CTNNA2: variants seen among roughly 807,000 people sequenced by gnomAD.
The protein encoded by CTNNA2 is catenin alpha-2.
Under a neutral mutation model 101.0 loss-of-function variants are expected in CTNNA2, and 42 were observed. That is an observed-to-expected ratio of 0.42 (90% CI 0.32 to 0.54). CTNNA2 has a LOEUF of 0.54. Among genes scored for constraint, CTNNA2 ranks in the 20% least tolerant of loss-of-function variants. The probability of loss-of-function intolerance (pLI) is 0.14; values close to 1 mark genes in which losing one functional copy is unlikely to be tolerated. For synonymous variants in CTNNA2, 450 were observed against 456.4 expected (o/e 0.99, Z 0.18); for missense variants, 871 against 1,223.1 (o/e 0.71, Z 4.29).
chr2:79,217,394 A>C (rs1052040071), intron 2 of CTNNA2, among the ~76,000 whole-genome samples: 3 of 152,100 alleles, frequency 2.0e-5, no homozygotes, highest in Non-Finnish European at 4.4e-5. Context: ...AGGGGGGCTG[A>C]GTCTGAAAAG....
At chr2:79,244,010 C>A (rs944813949) in intron 2 of CTNNA2, among the ~76,000 whole-genome samples, 1 of 152,090 alleles carries the variant, frequency 6.6e-6, no homozygotes, top group African/African-American at 2.4e-5. Flanking sequence ...GTGATGTTAA[C>A]CCTGGCACCC....
intron 3 of CTNNA2, among the ~76,000 whole-genome samples, chr2:79,349,783 T>C (rs965689577): frequency 2.0e-5 from 3 of 152,134 alleles, no homozygotes; most frequent in African/African-American, 7.2e-5. Context: ...TGAGAAACCA[T>C]TATATTAGAA....
At chr2:80,502,595 T>C (rs1687962856) in intron 9 of CTNNA2, among the ~76,000 whole-genome samples, 1 of 152,240 alleles carries the variant, frequency 6.6e-6, no homozygotes, top group Admixed American at 6.5e-5. Context: ...AAAGCTGGTT[T>C]TACTTTCTCT....
At chr2:79,487,032 G>A (rs192696744) in intron 4 of CTNNA2, among the ~76,000 whole-genome samples, 1 of 152,104 alleles carries the variant, frequency 6.6e-6, no homozygotes, top group East Asian at 1.9e-4. Flanking sequence ...ATCTAGATAA[G>A]AGGAAAACAT....
At chr2:79,270,771 G>A (rs756219670) in intron 2 of CTNNA2, among the ~76,000 whole-genome samples, 6 of 151,856 alleles carry the variant, frequency 4.0e-5, no homozygotes, top group Admixed American at 6.6e-5. Flanking sequence ...TAGCTCCAGG[G>A]CAGCAGAGTG....
intron 7 of CTNNA2, among the ~76,000 whole-genome samples, chr2:80,078,261 T>A (rs1435042642): frequency 6.6e-6 from 1 of 152,184 alleles, no homozygotes; most frequent in Admixed American, 6.5e-5. Flanking sequence ...AACCATTTTC[T>A]GTTGAAAACG....
chr2:79,471,716 T>G (rs1484640155), intron 4 of CTNNA2, among the ~76,000 whole-genome samples: 1 of 152,002 alleles, frequency 6.6e-6, no homozygotes, highest in Non-Finnish European at 1.5e-5. Flanking sequence ...TGGGTGCCTG[T>G]AGTCCCAGCT....
intron 1 of CTNNA2, among the ~76,000 whole-genome samples, chr2:79,187,235 T>TTTTTC (rs772642908): frequency 0.013 from 1,598 of 123,284 alleles, 100 homozygotes; most frequent in East Asian, 0.059. Flanking sequence ...AAGACACTTC[T>TTTTTC]TTTTCTTTTC....
At chr2:79,397,811 C>A (rs1678248959) in intron 4 of CTNNA2, among the ~76,000 whole-genome samples, 1 of 152,024 alleles carries the variant, frequency 6.6e-6, no homozygotes, top group Non-Finnish European at 1.5e-5. Context: ...ACAAGTGCCA[C>A]CAAGTCTGTT....
chr2:79,338,275 G>A (rs1573093774), intron 3 of CTNNA2, among the ~76,000 whole-genome samples: 1 of 146,848 alleles, frequency 6.8e-6, no homozygotes, highest in Non-Finnish European at 1.5e-5. Context: ...TCAGGCAACT[G>A]GGTTACAAGA....
At chr2:80,261,327 G>C (rs964272722) in intron 7 of CTNNA2, among the ~76,000 whole-genome samples, 6 of 151,978 alleles carry the variant, frequency 3.9e-5, no homozygotes, top group Non-Finnish European at 8.8e-5. Context: ...GAATGGCTTG[G>C]TTACAGAACC....
chr2:80,567,564 G>A (rs574215172), intron 12 of CTNNA2, among the ~76,000 whole-genome samples: 1 of 152,228 alleles, frequency 6.6e-6, no homozygotes, highest in East Asian at 1.9e-4. Context: ...GGGGCCTCCT[G>A]AATAATCCCT....
chr2:80,416,379 T>G (rs191481546), intron 8 of CTNNA2, among the ~76,000 whole-genome samples: 34 of 152,292 alleles, frequency 2.2e-4, no homozygotes, highest in African/African-American at 7.9e-4. Flanking sequence ...TCAAGAAAGC[T>G]GAATCAAATC....
At chr2:79,472,915 T>C (rs1276380413) in intron 4 of CTNNA2, among the ~76,000 whole-genome samples, 1 of 152,254 alleles carries the variant, frequency 6.6e-6, no homozygotes, top group African/African-American at 2.4e-5. Flanking sequence ...TACATTTTTA[T>C]TGCTTTCAAG....
At chr2:79,535,498 C>G (rs1673002072) in intron 1 of CTNNA2, among the ~76,000 whole-genome samples, 1 of 151,952 alleles carries the variant, frequency 6.6e-6, no homozygotes, top group African/African-American at 2.4e-5. Context: ...GCCACTGCAC[C>G]CGGCCCATAT....
At chr2:79,639,939 T>G (rs1480690077) in intron 1 of CTNNA2, among the ~76,000 whole-genome samples, 4 of 138,408 alleles carry the variant, frequency 2.9e-5, no homozygotes, top group African/African-American at 1.4e-4. Flanking sequence ...TAATTGTGTG[T>G]GTGTGTGTGT....
At chr2:79,462,356 G>C (rs1284205779) in intron 4 of CTNNA2, among the ~76,000 whole-genome samples, 1 of 152,220 alleles carries the variant, frequency 6.6e-6, no homozygotes, top group South Asian at 2.1e-4. Flanking sequence ...CAAAGAAAGA[G>C]TGTTCTAGGC....
intron 7 of CTNNA2, among the ~76,000 whole-genome samples, chr2:80,089,790 A>G (rs1482330257): frequency 6.6e-6 from 1 of 151,960 alleles, no homozygotes; most frequent in African/African-American, 2.4e-5. Context: ...CTCTTTTCCC[A>G]GTGTCCTCAT....
At chr2:80,638,808 A>C (rs1673139197) in intron 18 of CTNNA2, among the ~76,000 whole-genome samples, 1 of 152,246 alleles carries the variant, frequency 6.6e-6, no homozygotes, top group African/African-American at 2.4e-5. Context: ...TATGTAAATG[A>C]ATTAAAAATG....
Sources: allele counts gnomAD v4.1 joint callset (sites outside exome capture counted in the v4.1 genomes callset), GRCh38; gene constraint gnomAD v4.1.1; transcripts MANE v1.5; gene names NCBI Gene and HGNC (gene_info 2026-07-23, HGNC 2026-07-21).